PDZD2: variants seen among roughly 807,000 people sequenced by gnomAD.
The protein encoded by PDZD2 is PDZ domain containing 2.
PDZD2 carries 90 observed loss-of-function variants against 220.7 expected under a neutral mutation model. The observed-to-expected ratio is 0.41, with a 90% CI of 0.34 to 0.49. The LOEUF is 0.49. Ranked by LOEUF, PDZD2 falls within the 20% of genes least tolerant of loss-of-function variation. The pLI is 0.28. For synonymous variants in PDZD2, 1,375 were observed against 1,450.5 expected (o/e 0.95, Z 1.18); for missense variants, 3,174 against 3,608.5 (o/e 0.88, Z 3.08).
Position 31,995,818 on chromosome 5 carries a change from G to A in PDZD2, c.1121+100G>A, listed in dbSNP as rs1172944245. Reference sequence around the variant, plus strand: ...TGCTCTTCCACTTGTTCAAAGCCCTGGCGATTATAGTTCATAAAGATTATG... The same window carrying A: ...TGCTCTTCCACTTGTTCAAAGCCCTAGCGATTATAGTTCATAAAGATTATG... On this transcript the variant is annotated intron_variant, in intron 4 of 24. Coordinates refer to ENST00000438447, the MANE Select transcript of PDZD2 (RefSeq NM_178140.4). 10 of 1,077,080 alleles carry A rather than the reference G, an allele frequency of 9.3e-6. No individual in the cohort carries two copies. In the Admixed American group the frequency reaches 2.0e-4, roughly 22 times the overall value. The allele number at this position is 1,077,080 out of a possible 1,614,324, so 66.7% of individuals were successfully genotyped here.
intron 1 of PDZD2, among the ~76,000 whole-genome samples, chr5:31,667,233 C>T (rs1397284269): frequency 4.2e-5 from 1 of 24,034 alleles, no homozygotes; most frequent in African/African-American, 1.5e-4. Flanking sequence ...AAGACTCCGT[C>T]TCAAAAAAAA....
chr5:31,802,374 C>T (rs1478793026), intron 2 of PDZD2, among the ~76,000 whole-genome samples: 1 of 152,098 alleles, frequency 6.6e-6, no homozygotes, highest in Non-Finnish European at 1.5e-5. Context: ...CTGGCAGAGC[C>T]GAGGCTCAGG....
At chr5:31,708,270 C>T (rs780398201) in intron 1 of PDZD2, among the ~76,000 whole-genome samples, 1 of 152,158 alleles carries the variant, frequency 6.6e-6, no homozygotes, top group Non-Finnish European at 1.5e-5. Context: ...TTGGACATCA[C>T]GGGAATAGAT....
intron 2 of PDZD2, among the ~76,000 whole-genome samples, chr5:31,845,956 A>G (rs1468636936): frequency 2.6e-5 from 4 of 152,198 alleles, no homozygotes; most frequent in Non-Finnish European, 5.9e-5. Flanking sequence ...ACCTGCAAAG[A>G]TGTTCCAGAG....
intron 6 of PDZD2, among the ~76,000 whole-genome samples, chr5:32,024,165 G>A (rs1292155854): frequency 1.3e-5 from 2 of 152,170 alleles, no homozygotes; most frequent in African/African-American, 4.8e-5. Flanking sequence ...TCCTTTTGGT[G>A]GAAAGTTTCT....
intron 1 of PDZD2, among the ~76,000 whole-genome samples, chr5:31,798,028 C>T (rs1436109056): frequency 6.6e-6 from 1 of 152,042 alleles, no homozygotes; most frequent in Non-Finnish European, 1.5e-5. Flanking sequence ...TTGAATTAAC[C>T]TTTCACTGGG....
chr5:31,927,381 T>G (rs1581098523), intron 2 of PDZD2, among the ~76,000 whole-genome samples: 2 of 25,982 alleles, frequency 7.7e-5, no homozygotes, highest in Middle Eastern at 0.056. Context: ...TTTTGGGTGT[T>G]TTTTTGTTTG....
intron 2 of PDZD2, among the ~76,000 whole-genome samples, chr5:31,891,749 T>C (rs1157063761): frequency 6.6e-6 from 1 of 152,142 alleles, no homozygotes; most frequent in Admixed American, 6.6e-5. Flanking sequence ...TCCCCACTGC[T>C]CCCAATACAT....
At chr5:31,755,118 G>A (rs767137080) in intron 1 of PDZD2, among the ~76,000 whole-genome samples, 2 of 152,170 alleles carry the variant, frequency 1.3e-5, no homozygotes, top group South Asian at 2.1e-4. Context: ...ACTGATGGCC[G>A]CCTTGTGTAG....
intron 3 of PDZD2, among the ~76,000 whole-genome samples, chr5:31,995,214 C>T (rs893841184): frequency 9.9e-5 from 15 of 152,162 alleles, no homozygotes; most frequent in African/African-American, 3.6e-4. Context: ...CTATGCTGCC[C>T]ATAGCATAGT....
rs142362722 is a variant in PDZD2, at chr5:31,763,541, C to T, written c.-360-35348C>T. ...ATTCATCACTGGAATTTGAATGATG[C>T]GTATGTGTTCTTACATATAATTTGA... is the stretch of plus-strand genomic sequence containing the variant. On this transcript the variant is annotated intron_variant, in intron 1 of 24. Coordinates refer to ENST00000438447, the MANE Select transcript of PDZD2 (RefSeq NM_178140.4). Among the ~76,000 whole-genome samples, 74 of 152,214 alleles carry T rather than the reference C, an allele frequency of 4.9e-4. 1 individual carries two copies. In the East Asian group the frequency reaches 0.013, roughly 27 times the overall value.
At chr5:31,900,133 T>G (rs1466327402) in intron 2 of PDZD2, among the ~76,000 whole-genome samples, 3 of 152,184 alleles carry the variant, frequency 2.0e-5, no homozygotes, top group Admixed American at 2.0e-4. Context: ...ATTTTGAGAA[T>G]GGCAGAGGGT....
intron 2 of PDZD2, among the ~76,000 whole-genome samples, chr5:31,901,187 G>A (rs536765698): frequency 2.0e-5 from 3 of 152,148 alleles, no homozygotes; most frequent in South Asian, 2.1e-4. Context: ...GGAGGCTGAG[G>A]CGGGCAGTTC....
intron 1 of PDZD2, among the ~76,000 whole-genome samples, chr5:31,640,562 C>T (rs908360936): frequency 2.0e-5 from 3 of 152,156 alleles, no homozygotes; most frequent in Non-Finnish European, 4.4e-5. Flanking sequence ...CAGAGAGACC[C>T]CCTGGACCTT....
At chr5:31,725,812 A>G in intron 1 of PDZD2, 1 of 909,326 alleles carries the variant, frequency 1.1e-6, no homozygotes. Flanking sequence ...AAAAAGATCC[A>G]CTTTGGTGTT....
chr5:31,850,834 C>T (rs548161783), intron 2 of PDZD2, among the ~76,000 whole-genome samples: 12 of 152,040 alleles, frequency 7.9e-5, no homozygotes, highest in African/African-American at 1.7e-4. Context: ...GACGGAGTTT[C>T]GCCGTGTTAG....
Position 31,639,980 on chromosome 5 carries a change from G to C in PDZD2, c.-361+543G>C, listed in dbSNP as rs1291628265. On this transcript the variant is annotated intron_variant, in intron 1 of 24. Coordinates refer to ENST00000438447, the MANE Select transcript of PDZD2 (RefSeq NM_178140.4). The surrounding 1 kb of genome is among the most constrained non-coding windows in gnomAD (Gnocchi z 4.1). ...CAAAGATCAAGGGCATCTTAGGGCC[G>C]GTTATTGGCGTCTGCCGGGGAGATG... Among the ~76,000 whole-genome samples the C allele has an allele frequency of 6.6e-6, 1 of 152,112 alleles. No individual in the cohort carries two copies. Among genetic ancestry groups the C allele is most frequent in the Non-Finnish European group, 1.5e-5 (1 of 68,020 alleles).
At chr5:31,916,613 G>C (rs1480630189) in intron 2 of PDZD2, among the ~76,000 whole-genome samples, 2 of 152,222 alleles carry the variant, frequency 1.3e-5, no homozygotes, top group African/African-American at 4.8e-5. Context: ...GCCCTGGCTC[G>C]AGTGTCACTT....
At position 31,993,341 on chromosome 5, in the gene PDZD2, G is replaced by A. The variant is rs114471618; in HGVS notation, c.979-2235G>A. Among the ~76,000 whole-genome samples the A allele has an allele frequency of 6.0e-3, 915 of 152,298 alleles. 8 individuals carry two copies. The highest frequency in any genetic ancestry group is 0.021 in the African/African-American group (858 of 41,558). ...GATGGAGGAGACAGTTGGCACCAGC[G>A]TCTGTTCCTGGGATAGCGGAGCCCC... On this transcript the variant is annotated intron_variant, in intron 3 of 24. Transcript: ENST00000438447.
Sources: gnomAD v4.1 joint callset for allele counts (sites outside exome capture counted in the v4.1 genomes callset) on GRCh38, gnomAD v4.1.1 for gene constraint, Gnocchi (gnomAD v3.1) non-coding constraint, MANE v1.5 for transcripts, NCBI Gene and HGNC (gene_info 2026-07-23, HGNC 2026-07-21) for gene names.